SYBU: variants seen among roughly 807,000 people sequenced by gnomAD.
The protein encoded by SYBU is GOLSYN A protein.
A neutral mutation model predicts 35.9 loss-of-function variants in SYBU; 21 were observed. The observed-to-expected ratio is 0.58, with a 90% CI of 0.41 to 0.84. The LOEUF is 0.84. Ranked by LOEUF, SYBU falls within the 40% of genes least tolerant of loss-of-function variation. SYBU has a pLI of 0.00. For synonymous variants in SYBU, 319 were observed against 324.3 expected (o/e 0.98, Z 0.18); for missense variants, 768 against 848.2 (o/e 0.91, Z 1.17).
At chr8:109,645,903 G>A (rs75778014), upstream of SYBU, 2,415 of 154,268 alleles carry the variant, frequency 0.016, 66 homozygotes, top group African/African-American at 0.056. Context: ...AGCTGTGAGG[G>A]TTAGGTGAGG....
chr8:109,688,797 T>G (rs563941185), intron 1 of SYBU, among the ~76,000 whole-genome samples: 27 of 150,358 alleles, frequency 1.8e-4, no homozygotes, highest in African/African-American at 6.6e-4. Flanking sequence ...GAGAAGAAAA[T>G]AAAAACACCA....
intron 5 of SYBU, among the ~76,000 whole-genome samples, 170 bp downstream of exon 5, chr8:109,579,629 C>A (rs1477427913): frequency 1.3e-5 from 2 of 152,160 alleles, no homozygotes. Context: ...GGCTTGCGCT[C>A]TTTCTGCAGC....
chr8:109,584,502 A>AT lies in SYBU; in HGVS notation c.530+1557_530+1558insA, dbSNP rs1252484072. 3.9e-5 allele frequency among the ~76,000 whole-genome samples: 6 copies of AT among 152,136 alleles called. No homozygotes were observed. Among genetic ancestry groups the AT allele is most frequent in the African/African-American group, 1.4e-4 (6 of 41,412 alleles). ...TCATAATTTCTTGAGTGGGTTATAT[A>AT]AATGGTTTATTCTTAGAGCAAGCCA... On this transcript the variant is annotated intron_variant, in intron 4 of 6. Coordinates refer to ENST00000276646, the MANE Select transcript of SYBU (RefSeq NM_001099754.2). This position sits in a 1 kb window ranked among gnomAD's most constrained non-coding sequence, Gnocchi z 4.0.
upstream of SYBU, among the ~76,000 whole-genome samples, chr8:109,681,943 TG>T (rs1817407327): frequency 6.6e-6 from 1 of 152,170 alleles, no homozygotes; most frequent in Non-Finnish European, 1.5e-5. Flanking sequence ...CTCCCCTTTT[TG>T]CTTGGCACTT....
At chr8:109,630,814 G>C (rs1331135300) in intron 2 of SYBU, among the ~76,000 whole-genome samples, 1 of 152,162 alleles carries the variant, frequency 6.6e-6, no homozygotes, top group Non-Finnish European at 1.5e-5. Context: ...CTGGGGCCCA[G>C]GGGGGATGTC....
chr8:109,688,261 T>G (rs56714989), intron 1 of SYBU, among the ~76,000 whole-genome samples: 2,327 of 152,294 alleles, frequency 0.015, 41 homozygotes, highest in African/African-American at 0.053. Flanking sequence ...TAAGAATAAG[T>G]AAATAGTATG....
At chr8:109,599,516 C>T (rs542313134) in intron 3 of SYBU, among the ~76,000 whole-genome samples, 2 of 152,312 alleles carry the variant, frequency 1.3e-5, no homozygotes, top group South Asian at 4.1e-4. Context: ...ATCTTCTACG[C>T]ACAGTAATGT....
intron 1 of SYBU, among the ~76,000 whole-genome samples, chr8:109,666,511 C>T (rs867071076): frequency 2.2e-4 from 34 of 152,198 alleles, no homozygotes; most frequent in Middle Eastern, 3.4e-3. Context: ...CAGGCCAAGG[C>T]GGGAGGATCA....
chr8:109,587,471 T>C (rs1823751814), intron 3 of SYBU, among the ~76,000 whole-genome samples: 1 of 152,220 alleles, frequency 6.6e-6, no homozygotes, highest in Admixed American at 6.5e-5. Context: ...TCCCATACTA[T>C]GCTTTGCCCT....
intron 1 of SYBU, among the ~76,000 whole-genome samples, chr8:109,679,422 G>T (rs1156888783): frequency 6.6e-6 from 1 of 152,180 alleles, no homozygotes; most frequent in African/African-American, 2.4e-5. Context: ...CTATGAATTT[G>T]CCTTGAATTC....
intron 3 of SYBU, among the ~76,000 whole-genome samples, chr8:109,606,957 G>T (rs534921614): frequency 4.6e-5 from 7 of 152,122 alleles, no homozygotes; most frequent in African/African-American, 1.4e-4. Context: ...TACTAATATA[G>T]TATATGTTTT....
chr8:109,658,434 G>T (rs71526740), intron 1 of SYBU, among the ~76,000 whole-genome samples: 13,503 of 152,212 alleles, frequency 0.089, 872 homozygotes, highest in East Asian at 0.32. Flanking sequence ...AAGTTATAAG[G>T]AGAAATAAAT....
intron 1 of SYBU, among the ~76,000 whole-genome samples, chr8:109,664,260 T>G (rs1816677982): frequency 6.6e-6 from 1 of 152,102 alleles, no homozygotes; most frequent in Admixed American, 6.6e-5. Flanking sequence ...GAGAAACAAA[T>G]GTGCTCTATT....
chr8:109,601,737 G>A (rs1009587968), intron 3 of SYBU, among the ~76,000 whole-genome samples: 3 of 152,128 alleles, frequency 2.0e-5, no homozygotes, highest in African/African-American at 7.2e-5. Flanking sequence ...AAAACACAGA[G>A]GAAGAAAAAC....
Position 109,575,112 on chromosome 8 carries a change from C to T in SYBU, c.1786G>A (p.Gly596Arg), listed in dbSNP as rs1188965237. ...CTCCAGTACTGCCTCACGACGCCCC[C>T]GCGAGCCAGTGGGATGACACCATCC... Reference protein sequence around the residue: ...RLDGVIPLARGGVVRQYWSSS... With the variant: ...RLDGVIPLARRGVVRQYWSSS... The change falls in exon 7 of 7, where the codon GGG becomes AGG. Residue 596 changes from glycine (G) to arginine (R), a missense_variant. Coordinates refer to ENST00000276646, the MANE Select transcript of SYBU (RefSeq NM_001099754.2). The T allele has an allele frequency of 1.9e-6, 3 of 1,613,056 alleles. No homozygotes were observed. Among genetic ancestry groups the T allele is most frequent in the East Asian group, 2.2e-5 (1 of 44,860 alleles).
At chr8:109,666,925 T>A (rs1816774881) in intron 1 of SYBU, among the ~76,000 whole-genome samples, 1 of 152,152 alleles carries the variant, frequency 6.6e-6, no homozygotes, top group Non-Finnish European at 1.5e-5. Context: ...ATCTTAATGA[T>A]CTTGTTTTAG....
Position 109,612,379 on chromosome 8 carries a change from A to T in SYBU, c.427+6463T>A, listed in dbSNP as rs147287824. On this transcript the variant is annotated intron_variant, in intron 3 of 6. Coordinates refer to ENST00000276646, the MANE Select transcript of SYBU (RefSeq NM_001099754.2). ...GCTCATAGTATCTGAAATAGCTTAC[A>T]GCCTGTATTTGAGGCTCGGGTTTGC... Among the ~76,000 whole-genome samples the T allele has an allele frequency of 3.3e-3, 502 of 152,334 alleles. 2 individuals are homozygous for T. Among genetic ancestry groups the T allele is most frequent in the African/African-American group, 0.011 (477 of 41,572 alleles).
intron 1 of SYBU, among the ~76,000 whole-genome samples, chr8:109,658,885 C>T (rs1026183517): frequency 6.6e-6 from 1 of 151,762 alleles, no homozygotes. Flanking sequence ...ACCGGAAAGG[C>T]GGAGGTTGCA....
chr8:109,590,270 C>G (rs1824066792), intron 3 of SYBU, among the ~76,000 whole-genome samples: 1 of 152,154 alleles, frequency 6.6e-6, no homozygotes, highest in African/African-American at 2.4e-5. Context: ...GCCAAGGTAT[C>G]CAAGAAACGC....
Sources: gnomAD v4.1 joint callset for allele counts (sites outside exome capture counted in the v4.1 genomes callset) on GRCh38, gnomAD v4.1.1 for gene constraint, Gnocchi (gnomAD v3.1) non-coding constraint, MANE v1.5 for transcripts, NCBI Gene and HGNC (gene_info 2026-07-23, HGNC 2026-07-21) for gene names.